Variants in PITPNM3 observed in about 807,000 individuals in gnomAD.
PITPNM3 encodes membrane-associated phosphatidylinositol transfer protein 3.
Under a neutral mutation model 102.0 loss-of-function variants are expected in PITPNM3, and 26 were observed. The ratio of observed to expected loss-of-function variants is 0.25; its 90% CI spans 0.19 to 0.35. The LOEUF is 0.35. Among genes scored for constraint, PITPNM3 ranks in the 10% least tolerant of loss-of-function variants. PITPNM3 has a pLI of 1.00. For missense variants in PITPNM3, 1,083 were observed against 1,346.1 expected (o/e 0.80, Z 3.06); for synonymous variants, 578 against 558.6 (o/e 1.03, Z -0.49).
intron 1 of PITPNM3, among the ~76,000 whole-genome samples, chr17:6,554,506 C>G (rs531298179): frequency 6.6e-6 from 1 of 152,020 alleles, no homozygotes; most frequent in African/African-American, 2.4e-5. Context: ...AAGGGCCAAG[C>G]GTGAAATTGC....
chr17:6,487,893 C>A (rs1050475094), intron 4 of PITPNM3, among the ~76,000 whole-genome samples: 1 of 152,140 alleles, frequency 6.6e-6, no homozygotes, highest in African/African-American at 2.4e-5. Flanking sequence ...CCTCAGTATC[C>A]CTCACTCCTC....
At chr17:6,492,386 G>A (rs1042477899) in intron 4 of PITPNM3, among the ~76,000 whole-genome samples, 1 of 152,058 alleles carries the variant, frequency 6.6e-6, no homozygotes, top group Non-Finnish European at 1.5e-5. Context: ...TTTAAAACCA[G>A]CCACAACCTC....
rs1357001376 is a variant in PITPNM3 at position 6,457,239 on chromosome 17, G to A, written c.2619+355C>T. ...TCCTGGACCATTCCTTCAAATTCCGGAAACCCAACCTTGCCCTGGAGTCTG... is the reference window on the plus strand; with the variant it reads ...TCCTGGACCATTCCTTCAAATTCCGAAAACCCAACCTTGCCCTGGAGTCTG... On this transcript the variant is annotated intron_variant, in intron 19 of 19. Transcript: ENST00000262483. The surrounding 1 kb of genome is among the most constrained non-coding windows in gnomAD (Gnocchi z 4.7). Among the ~76,000 whole-genome samples the A allele has an allele frequency of 2.6e-5, 4 of 152,110 alleles. No individual in the cohort carries two copies. The highest frequency in any genetic ancestry group is 9.7e-5 in the African/African-American group (4 of 41,424).
chr17:6,457,516 G>T lies in PITPNM3; in HGVS notation c.2619+78C>A. 2 of 1,590,162 alleles carry T rather than the reference G, an allele frequency of 1.3e-6. No individual in the cohort carries two copies. Among genetic ancestry groups the T allele is most frequent in the Middle Eastern group, 1.7e-4 (1 of 6,014 alleles). On this transcript the variant is annotated intron_variant, in intron 19 of 19. Transcript: ENST00000262483. This position sits in a 1 kb window ranked among gnomAD's most constrained non-coding sequence, Gnocchi z 4.7. ...GGAATGAACAAATGAATGAATGAAT[G>T]AATGAAGTGCTTACTCCCTCTATCC...
intron 6 of PITPNM3, among the ~76,000 whole-genome samples, chr17:6,482,040 GTCTCTC>G (rs56855120): frequency 0.073 from 4,005 of 54,884 alleles, 172 homozygotes; most frequent in South Asian, 0.22. Context: ...CTCTCTGTCT[GTCTCTC>G]TCTCTCTCTC....
chr17:6,491,321 T>C (rs781166981), intron 4 of PITPNM3, among the ~76,000 whole-genome samples: 6 of 152,136 alleles, frequency 3.9e-5, no homozygotes, highest in Non-Finnish European at 8.8e-5. Context: ...CTCTCACCAC[T>C]TGAGCTCAAG....
intron 15 of PITPNM3, 80 bp downstream of exon 15, chr17:6,464,575 T>A: frequency 7.1e-7 from 1 of 1,417,490 alleles, no homozygotes; most frequent in Non-Finnish European, 9.8e-7. Flanking sequence ...CTTGACACCC[T>A]CACCCCACAC....
At chr17:6,493,577 G>A (rs940138989) in intron 4 of PITPNM3, among the ~76,000 whole-genome samples, 4 of 152,196 alleles carry the variant, frequency 2.6e-5, no homozygotes, top group African/African-American at 7.2e-5. Context: ...AAGTGACCAC[G>A]TAGCAGGGTG....
intron 3 of PITPNM3, among the ~76,000 whole-genome samples, chr17:6,510,755 C>A (rs768036320): frequency 6.6e-6 from 1 of 152,232 alleles, no homozygotes; most frequent in African/African-American, 2.4e-5. Flanking sequence ...GTGCTACAGA[C>A]AAGAGACCAA....
intron 2 of PITPNM3, among the ~76,000 whole-genome samples, chr17:6,527,941 A>G (rs1908926855): frequency 6.6e-6 from 1 of 152,056 alleles, no homozygotes; most frequent in African/African-American, 2.4e-5. Context: ...GAGCATGCCT[A>G]CTCCTGCATG....
At chr17:6,526,197 A>G (rs1243464846) in intron 2 of PITPNM3, among the ~76,000 whole-genome samples, 1 of 152,122 alleles carries the variant, frequency 6.6e-6, no homozygotes, top group Admixed American at 6.5e-5. Flanking sequence ...GTCTGAGCAT[A>G]GTGAGTCTTC....
At chr17:6,519,388 C>T (rs922629132) in intron 3 of PITPNM3, among the ~76,000 whole-genome samples, 3 of 143,290 alleles carry the variant, frequency 2.1e-5, no homozygotes, top group South Asian at 2.3e-4. Context: ...AGCGTGGTGG[C>T]GGGCAGCTGT....
chr17:6,493,919 C>T (rs1162837003), intron 4 of PITPNM3, among the ~76,000 whole-genome samples: 2 of 152,186 alleles, frequency 1.3e-5, no homozygotes, highest in Non-Finnish European at 2.9e-5. Context: ...CATCCTGAAT[C>T]GGGCCCAGTG....
At chr17:6,492,607 A>G (rs887317931) in intron 4 of PITPNM3, among the ~76,000 whole-genome samples, 9 of 152,178 alleles carry the variant, frequency 5.9e-5, no homozygotes, top group African/African-American at 2.2e-4. Flanking sequence ...CTATAATCCC[A>G]GCACTTTGGG....
chr17:6,502,387 A>G (rs1907237271), intron 4 of PITPNM3, among the ~76,000 whole-genome samples: 1 of 152,176 alleles, frequency 6.6e-6, no homozygotes, highest in African/African-American at 2.4e-5. Context: ...CGGGAAGCTC[A>G]AGAGGTTGTA....
At chr17:6,460,170 C>T (rs1238586209) in intron 18 of PITPNM3, among the ~76,000 whole-genome samples, 1 of 152,210 alleles carries the variant, frequency 6.6e-6, no homozygotes, top group African/African-American at 2.4e-5. Context: ...TCAGCTCCCA[C>T]TTGTCCTGGG....
rs72830336 is a variant in PITPNM3, at chr17:6,548,755, C to T, written c.22+7630G>A. ...CCCCAAGGAGGGCAGGAGTGCAGGACGTGACGTGCTCTGCAAATACCCAGA... is the reference window on the plus strand; with the variant it reads ...CCCCAAGGAGGGCAGGAGTGCAGGATGTGACGTGCTCTGCAAATACCCAGA... On this transcript the variant is annotated intron_variant, in intron 1 of 19. Coordinates refer to ENST00000262483, the MANE Select transcript of PITPNM3 (RefSeq NM_031220.4). 9.9e-5 allele frequency among the ~76,000 whole-genome samples: 15 copies of T among 152,208 alleles called. No homozygotes were observed. In the East Asian group the frequency reaches 1.2e-3, roughly 12 times the overall value.
At chr17:6,506,887 G>A (rs779359083) in intron 3 of PITPNM3, among the ~76,000 whole-genome samples, 41 of 152,212 alleles carry the variant, frequency 2.7e-4, no homozygotes, top group Non-Finnish European at 3.8e-4. Flanking sequence ...CCTCCCACAG[G>A]CCTGCTGGCC....
chr17:6,536,564 C>A (rs75662989), intron 2 of PITPNM3, among the ~76,000 whole-genome samples: 6,071 of 152,142 alleles, frequency 0.04, 263 homozygotes, highest in East Asian at 0.16. Flanking sequence ...GGGACAGCTC[C>A]CCACCTCCCA....
Sources: gnomAD v4.1 joint callset for allele counts (sites outside exome capture counted in the v4.1 genomes callset) on GRCh38, gnomAD v4.1.1 for gene constraint, Gnocchi (gnomAD v3.1) non-coding constraint, MANE v1.5 for transcripts, NCBI Gene and HGNC (gene_info 2026-07-23, HGNC 2026-07-21) for gene names.